Variants in NAALADL2 observed in about 807,000 individuals in gnomAD.
NAALADL2 encodes N-acetylated alpha-linked acidic dipeptidase like 2.
Under a neutral mutation model 87.2 loss-of-function variants are expected in NAALADL2, and 76 were observed. That is an observed-to-expected ratio of 0.87 (90% confidence interval 0.72 to 1.05). NAALADL2 has a LOEUF of 1.05. Among genes scored for constraint, NAALADL2 ranks in the 50% least tolerant of loss-of-function variants. The probability of loss-of-function intolerance (pLI) is 0.00; values close to 1 mark genes in which losing one functional copy is unlikely to be tolerated. For synonymous variants in NAALADL2, 354 were observed against 331.0 expected (o/e 1.07, Z -0.75); for missense variants, 1,089 against 945.8 (o/e 1.15, Z -1.99).
At chr3:175,568,453 G>T (rs1717558998) in intron 9 of NAALADL2, among the ~76,000 whole-genome samples, 1 of 152,146 alleles carries the variant, frequency 6.6e-6, no homozygotes, top group Non-Finnish European at 1.5e-5. Context: ...TCCTAAAAAG[G>T]ACACATTTAG....
intron 9 of NAALADL2, among the ~76,000 whole-genome samples, chr3:175,561,092 T>G (rs1466110758): frequency 6.6e-6 from 1 of 152,220 alleles, no homozygotes; most frequent in East Asian, 1.9e-4. Context: ...AAATTTGGTT[T>G]ATAAATTTAT....
At chr3:175,219,846 A>T (rs753881564) in intron 2 of NAALADL2, among the ~76,000 whole-genome samples, 1 of 149,252 alleles carries the variant, frequency 6.7e-6, no homozygotes, top group South Asian at 2.1e-4. Flanking sequence ...ATTTCTCTCA[A>T]TAATAGTTTG....
intron 12 of NAALADL2, among the ~76,000 whole-genome samples, chr3:175,750,361 T>A (rs953452994): frequency 1.3e-5 from 2 of 152,170 alleles, no homozygotes; most frequent in African/African-American, 4.8e-5. Flanking sequence ...TCTCAATATC[T>A]ATTTTGATAT....
At chr3:175,257,483 C>G (rs62285905) in intron 4 of NAALADL2, among the ~76,000 whole-genome samples, 23,987 of 151,024 alleles carry the variant, frequency 0.16, 2,188 homozygotes, top group Admixed American at 0.25. Context: ...TACAGTGATA[C>G]TAAATTTTTG....
intron 5 of NAALADL2, among the ~76,000 whole-genome samples, chr3:175,408,208 C>T (rs1011574324): frequency 6.6e-6 from 1 of 151,932 alleles, no homozygotes; most frequent in African/African-American, 2.4e-5. Flanking sequence ...TGATCTATTG[C>T]TCTGCATGAT....
intron 11 of NAALADL2, among the ~76,000 whole-genome samples, chr3:175,713,746 A>G (rs1740851553): frequency 1.3e-5 from 2 of 151,682 alleles, no homozygotes; most frequent in South Asian, 4.2e-4. Context: ...CATTTTTTTT[A>G]ATACTTTAAG....
intron 1 of NAALADL2, among the ~76,000 whole-genome samples, chr3:174,543,226 A>G (rs1420113949): frequency 6.6e-6 from 1 of 152,114 alleles, no homozygotes; most frequent in Non-Finnish European, 1.5e-5. Flanking sequence ...TCATCTTCTG[A>G]GGAATTAACT....
intron 3 of NAALADL2, among the ~76,000 whole-genome samples, chr3:174,819,826 C>G (rs184905100): frequency 1.3e-5 from 2 of 152,232 alleles, no homozygotes; most frequent in Admixed American, 1.3e-4. Flanking sequence ...CTTCAAGACT[C>G]GTGTTCATGA....
At chr3:175,509,837 TTTTTTTTC>T (rs1195625545) in intron 9 of NAALADL2, among the ~76,000 whole-genome samples, 1 of 149,320 alleles carries the variant, frequency 6.7e-6, no homozygotes, top group African/African-American at 2.5e-5. Flanking sequence ...ATCCTTTTTC[TTTTTTTTC>T]TTATTTTATT....
chr3:175,015,492 T>A (rs945096269), intron 1 of NAALADL2, among the ~76,000 whole-genome samples: 2 of 152,110 alleles, frequency 1.3e-5, no homozygotes, highest in Non-Finnish European at 2.9e-5. Flanking sequence ...GCCTGAGACC[T>A]GATAAAGCAT....
intron 1 of NAALADL2, among the ~76,000 whole-genome samples, chr3:174,471,938 T>C (rs960414911): frequency 6.6e-6 from 1 of 152,182 alleles, no homozygotes; most frequent in African/African-American, 2.4e-5. Context: ...GATAGCTGTA[T>C]CAGTGCTTCC....
intron 13 of NAALADL2, among the ~76,000 whole-genome samples, chr3:175,762,821 C>T (rs1288516341): frequency 6.6e-6 from 1 of 152,136 alleles, no homozygotes; most frequent in Non-Finnish European, 1.5e-5. Flanking sequence ...CGCAGTGGCA[C>T]GCGTGTAATC....
In NAALADL2 at chr3:174,496,513, TATATA is replaced by T. The variant is rs1718550947; in HGVS notation, c.-183-54055_-183-54051del. Among the ~76,000 whole-genome samples, 9 of 18,168 alleles carry T rather than the reference TATATA, an allele frequency of 5.0e-4. No homozygotes were observed. In the South Asian group the frequency reaches 0.024, roughly 48 times the overall value. 11.9% of individuals were successfully genotyped at this position (18,168 alleles called of 152,430 possible). On this transcript the variant is annotated intron_variant, in intron 1 of 3. Coordinates refer to the NAALADL2 transcript ENST00000434257. ...TATGTATGTATATATTTATATATTA[TATATA>T]TATATATATATATGTAAGAATTGGA...
intron 3 of NAALADL2, among the ~76,000 whole-genome samples, chr3:174,748,486 C>T (rs185853454): frequency 3.3e-5 from 5 of 151,980 alleles, no homozygotes; most frequent in Non-Finnish European, 7.4e-5. Flanking sequence ...AAGTGAAATC[C>T]ATTTCAAACC....
intron 2 of NAALADL2, among the ~76,000 whole-genome samples, chr3:174,554,602 T>G (rs569388911): frequency 1.4e-3 from 209 of 151,976 alleles, no homozygotes; most frequent in African/African-American, 4.9e-3. Flanking sequence ...ATTATTCATT[T>G]AAAATAATTT....
At chr3:174,561,542 C>T (rs1713621202) in intron 2 of NAALADL2, among the ~76,000 whole-genome samples, 1 of 151,938 alleles carries the variant, frequency 6.6e-6, no homozygotes, top group Admixed American at 6.6e-5. Flanking sequence ...TCACACATCA[C>T]CTAAGGAGTG....
chr3:174,752,103 G>A (rs1401553571), intron 3 of NAALADL2, among the ~76,000 whole-genome samples: 1 of 151,718 alleles, frequency 6.6e-6, no homozygotes, highest in Non-Finnish European at 1.5e-5. Flanking sequence ...TCAGCCTCTC[G>A]AGTAGCTGGG....
At chr3:175,417,503 C>T (rs1321823108) in intron 5 of NAALADL2, among the ~76,000 whole-genome samples, 1 of 151,368 alleles carries the variant, frequency 6.6e-6, no homozygotes, top group Non-Finnish European at 1.5e-5. Context: ...TTAATTTCTA[C>T]TGAGTAGGAT....
chr3:175,723,996 G>A (rs924697731), intron 11 of NAALADL2, among the ~76,000 whole-genome samples: 5 of 152,046 alleles, frequency 3.3e-5, no homozygotes, highest in African/African-American at 1.2e-4. Context: ...CGTTTCATAT[G>A]TTCTTTCTGT....
Sources: gnomAD v4.1 joint callset for allele counts (sites outside exome capture counted in the v4.1 genomes callset) on GRCh38, gnomAD v4.1.1 for gene constraint, MANE v1.5 for transcripts, NCBI Gene and HGNC (gene_info 2026-07-23, HGNC 2026-07-21) for gene names.